The following MYH16 variants were observed in gnomAD, a reference collection of about 807,000 sequenced individuals.
MYH16 encodes the protein myosin heavy chain 16.
At chr7:99,242,518 G>A (rs1364542848) in intron 1 of MYH16, among the ~76,000 whole-genome samples, 3 of 152,082 alleles carry the variant, frequency 2.0e-5, no homozygotes, top group Non-Finnish European at 4.4e-5. Flanking sequence ...TGCACCTGTA[G>A]TCCCAGCTAC....
Position 99,303,058 on chromosome 7 carries a change from C to T in MYH16, n.5138-7C>T, listed in dbSNP as rs1487256274. 6.5e-6 allele frequency: 1 copy of T among 152,674 alleles called. No homozygotes were observed. Among genetic ancestry groups the T allele is most frequent in the Admixed American group, 6.5e-5 (1 of 15,282 alleles). The allele number at this position is 152,674 out of a possible 1,614,324, so 9.5% of individuals were successfully genotyped here. A position where few individuals can be genotyped will look rare whatever the true frequency, so the allele number is the denominator to read the frequency against. Reference sequence around the variant, plus strand: ...GCTCATAGTGATATCTCCATTTCTTCCTCCAGAACCAGAGCCTCCTCGTGG... The same window carrying T: ...GCTCATAGTGATATCTCCATTTCTTTCTCCAGAACCAGAGCCTCCTCGTGG... On this transcript the variant is annotated splice_polypyrimidine_tract_variant and splice_region_variant and intron_variant and non_coding_transcript_variant, in intron 38 of 41. Transcript: ENST00000439784.
chr7:99,292,465 G>A (rs1186023100), exon 32 of MYH16: 8 of 468,960 alleles, frequency 1.7e-5, no homozygotes, highest in Non-Finnish European at 3.0e-5. Flanking sequence ...GACCAAGTAC[G>A]AGACCGATGC....
intron 20 of MYH16, among the ~76,000 whole-genome samples, chr7:99,276,874 C>T (rs1269382474): frequency 1.3e-5 from 2 of 150,550 alleles, no homozygotes; most frequent in Non-Finnish European, 3.0e-5. Context: ...AGAGACAGCA[C>T]AACAGAGAGA....
intron 23 of MYH16, 149 bp from the exon 6 acceptor site, chr7:99,283,416 G>A: frequency 2.7e-6 from 1 of 368,908 alleles, no homozygotes; most frequent in Non-Finnish European, 5.4e-6. Context: ...CAGCGCCCAG[G>A]AGCAGGTGGT....
At chr7:99,257,723 T>C (rs1791887987) in intron 10 of MYH16, among the ~76,000 whole-genome samples, 1 of 152,136 alleles carries the variant, frequency 6.6e-6, no homozygotes, top group Admixed American at 6.5e-5. Context: ...CATGGCTCAC[T>C]GCAGCCTCAA....
intron 33 of MYH16, among the ~76,000 whole-genome samples, chr7:99,296,003 G>A (rs562851173): frequency 4.0e-5 from 6 of 151,854 alleles, no homozygotes; most frequent in African/African-American, 1.4e-4. Flanking sequence ...GTAGCCGGAC[G>A]TGGTGGCGCA....
exon 31 of MYH16, chr7:99,291,349 T>A: frequency 4.4e-6 from 2 of 456,706 alleles, no homozygotes; most frequent in Non-Finnish European, 8.8e-6. Flanking sequence ...GAGCAGGGAA[T>A]ATGAAGAGTC....
exon 32 of MYH16, chr7:99,292,322 C>A (rs1562784717): frequency 2.2e-6 from 1 of 456,542 alleles, no homozygotes; most frequent in East Asian, 7.0e-5. Context: ...TCTCGCAGCA[C>A]CGCCGTGGTG....
At chr7:99,243,756 T>A (rs988767700) in intron 2 of MYH16, among the ~76,000 whole-genome samples, 1 of 152,146 alleles carries the variant, frequency 6.6e-6, no homozygotes, top group Non-Finnish European at 1.5e-5. Context: ...TAGAAGTCCA[T>A]CCATCCATCT....
chr7:99,302,319 C>T (rs28750228), intron 38 of MYH16, among the ~76,000 whole-genome samples: 3,972 of 75,230 alleles, frequency 0.053, 263 homozygotes, highest in African/African-American at 0.18. Flanking sequence ...AAAATATATA[C>T]ACACACACAC....
chr7:99,291,329 A>G lies in MYH16; in HGVS notation n.3831A>G, dbSNP rs1238665948. On this transcript the variant is annotated non_coding_transcript_exon_variant, in exon 31 of 42. Transcript: ENST00000439784. ...CCATTTCCTTCTCACCCAGCTGAAA[A>G]TAGTGAACTGAGCAGGGAATATGAA... 4 of 455,920 alleles carry G rather than the reference A, an allele frequency of 8.8e-6. No homozygotes were observed. The East Asian group carries it at 2.8e-4, about 32-fold the overall frequency. 28.2% of individuals were successfully genotyped at this position (455,920 alleles called of 1,614,324 possible).
intron 20 of MYH16, among the ~76,000 whole-genome samples, chr7:99,274,500 G>A (rs1314709951): frequency 6.6e-6 from 1 of 152,188 alleles, no homozygotes; most frequent in East Asian, 1.9e-4. Context: ...AGATGGAAAG[G>A]GAGGAATAGT....
chr7:99,298,097 A>C, intron 36 of MYH16, 102 bp downstream of exon 17: 1 of 407,948 alleles, frequency 2.5e-6, no homozygotes, highest in South Asian at 1.8e-5. Flanking sequence ...GACGTTGGGC[A>C]ATTCAGGTGA....
In MYH16 at chr7:99,248,405, AT is replaced by A. The variant is rs201519426; in HGVS notation, n.512-576del. Among the ~76,000 whole-genome samples, 28 of 150,286 alleles carry A rather than the reference AT, an allele frequency of 1.9e-4. No individual in the cohort carries two copies. The East Asian group carries it at 4.1e-3, about 22-fold the overall frequency. ...GCGTGAGCCACTGCGCCCAGTCATG[AT>A]TTTTTTTTTAAGAGATGGGTTCTTT... On this transcript the variant is annotated intron_variant and non_coding_transcript_variant, in intron 3 of 41. Transcript: ENST00000439784.
chr7:99,285,389 T>A (rs114396933), exon 27 of MYH16: 1 of 456,592 alleles, frequency 2.2e-6, no homozygotes, highest in African/African-American at 2.0e-5. Context: ...TAGGACCGAA[T>A]TGAAGAGCTG....
intron 37 of MYH16, among the ~76,000 whole-genome samples, chr7:99,301,059 G>A (rs1792586270): frequency 6.6e-6 from 1 of 151,888 alleles, no homozygotes; most frequent in Non-Finnish European, 1.5e-5. Context: ...GCCAGGTGTG[G>A]TGGCAGGCAC....
intron 33 of MYH16, among the ~76,000 whole-genome samples, chr7:99,295,945 C>T (rs1216042044): frequency 1.3e-5 from 2 of 150,648 alleles, no homozygotes; most frequent in Non-Finnish European, 2.9e-5. Context: ...AGTTTGAGAG[C>T]AGCTTGGCCA....
chr7:99,257,728 C>G (rs1791888088), intron 10 of MYH16, among the ~76,000 whole-genome samples: 1 of 152,122 alleles, frequency 6.6e-6, no homozygotes, highest in Non-Finnish European at 1.5e-5. Flanking sequence ...CTCACTGCAG[C>G]CTCAACCTTG....
At chr7:99,299,937 T>TTATTTATA (rs1562787395) in intron 37 of MYH16, among the ~76,000 whole-genome samples, 1 of 121,742 alleles carries the variant, frequency 8.2e-6, no homozygotes, top group Non-Finnish European at 1.7e-5. Context: ...TTTTATTTAT[T>TTATTTATA]TATTTATTTA....
Sources: gnomAD v4.1 joint callset for allele counts (sites outside exome capture counted in the v4.1 genomes callset) on GRCh38, gnomAD v4.1.1 for gene constraint, MANE v1.5 for transcripts, NCBI Gene and HGNC (gene_info 2026-07-23, HGNC 2026-07-21) for gene names.